Variants in NBPF19 observed in about 807,000 individuals in gnomAD.
The protein encoded by NBPF19 is NBPF member 19, also known as NBPF family member NBPF19.
In NBPF19, 30 loss-of-function variants were observed where a neutral mutation model predicts 45.9. That is an observed-to-expected ratio of 0.65 (90% CI 0.49 to 0.89). NBPF19 has a LOEUF of 0.89. NBPF19 is among the 40% of genes least tolerant of loss of function. The probability of loss-of-function intolerance (pLI) is 0.00; values close to 1 mark genes in which losing one functional copy is unlikely to be tolerated. For missense variants in NBPF19, 495 were observed against 471.8 expected (o/e 1.05, Z -0.46); for synonymous variants, 183 against 181.2 (o/e 1.01, Z -0.08).
chr1:149,528,975 G>A (rs1267826276), intron 61 of NBPF19, among the ~76,000 whole-genome samples, 199 bp from the exon 62 acceptor site: 1 of 131,290 alleles, frequency 7.6e-6, no homozygotes, highest in Non-Finnish European at 1.6e-5. Context: ...GTGTGTGTGT[G>A]TCTATCTGTC....
intron 51 of NBPF19, among the ~76,000 whole-genome samples, 163 bp from the exon 52 acceptor site, chr1:149,521,156 G>T (rs1254819396): frequency 1.4e-5 from 1 of 73,818 alleles, no homozygotes; most frequent in South Asian, 3.8e-4. Flanking sequence ...TTTCTACCTG[G>T]CCCTGTTCTA....
intron 73 of NBPF19, among the ~76,000 whole-genome samples, 195 bp from the exon 74 acceptor site, chr1:149,538,481 A>G (rs1487809392): frequency 1.8e-3 from 42 of 23,466 alleles, no homozygotes; most frequent in Admixed American, 4.8e-3. Context: ...GTGTGTGTCT[A>G]TCTGTCTTTC....
chr1:149,487,181 C>T (rs1402530624), intron 8 of NBPF19, 151 bp from the exon 9 acceptor site: 4 of 754,968 alleles, frequency 5.3e-6, no homozygotes, highest in Non-Finnish European at 9.5e-6. Context: ...TTTCTCAAGA[C>T]TTGACCTCAG....
chr1:149,554,979 G>C lies in NBPF19; in HGVS notation c.*241G>C. On this transcript the variant is annotated 3_prime_UTR_variant, in exon 94 of 94. Coordinates refer to ENST00000651566, the MANE Select transcript of NBPF19 (RefSeq NM_001351365.2). Reference sequence around the variant, plus strand: ...CAGCACATGCCGGGAGTGATCAGTCGGACATTTTAATTTGAACCACGTATC... The same window carrying C: ...CAGCACATGCCGGGAGTGATCAGTCCGACATTTTAATTTGAACCACGTATC... 1 of 702,728 alleles carries C rather than the reference G, an allele frequency of 1.4e-6. No homozygotes were observed. The highest frequency in any genetic ancestry group is 2.3e-6 in the Non-Finnish European group (1 of 440,696). The allele number at this position is 702,728 out of a possible 1,614,324, so 43.5% of individuals were successfully genotyped here.
intron 7 of NBPF19, among the ~76,000 whole-genome samples, chr1:149,484,831 GATA>G (rs2085423807): frequency 7.3e-6 from 1 of 136,522 alleles, no homozygotes; most frequent in African/African-American, 2.8e-5. Flanking sequence ...AGTCCTCCTG[GATA>G]ATATCCTGAA....
At chr1:149,478,255 T>C (rs1350011342) in intron 3 of NBPF19, among the ~76,000 whole-genome samples, 1 of 151,198 alleles carries the variant, frequency 6.6e-6, no homozygotes, top group Non-Finnish European at 1.5e-5. Context: ...TTGTTTTCTC[T>C]TTTTCAAACA....
rs2087200337 is a variant in NBPF19, at chr1:149,554,645, C to T, written c.11439C>T (p.Ile3813=). ...SVFYSFEEEH[I]SFALYLDNRF... ...TTTACTCATTTGAGGAAGAGCATAT[C>T]AGCTTCGCCCTTTACTTGGACAATA... Residue 3813 remains isoleucine (I), a synonymous_variant, in exon 94 of 94, where the codon ATC becomes ATT. Coordinates refer to ENST00000651566, the MANE Select transcript of NBPF19 (RefSeq NM_001351365.2). 5.6e-6 allele frequency: 9 copies of T among 1,608,354 alleles called. No homozygotes were observed. The highest frequency in any genetic ancestry group is 5.9e-6 in the Non-Finnish European group (7 of 1,176,770).
intron 3 of NBPF19, 32 bp from the exon 4 acceptor site, chr1:149,478,848 A>C: frequency 6.4e-7 from 1 of 1,554,622 alleles, no homozygotes; most frequent in African/African-American, 1.4e-5. Flanking sequence ...AACCCTTTCT[A>C]CTCTTAAATT....
Position 149,554,791 on chromosome 1 carries a change from A to G in NBPF19, c.*53A>G. On this transcript the variant is annotated 3_prime_UTR_variant, in exon 94 of 94. Coordinates refer to ENST00000651566, the MANE Select transcript of NBPF19 (RefSeq NM_001351365.2). Reference sequence around the variant, plus strand: ...ATTCCTGCAGGCAGGACCTATAGGCACGTGAAGATTTGAATGAAACTACAG... The same window carrying G: ...ATTCCTGCAGGCAGGACCTATAGGCGCGTGAAGATTTGAATGAAACTACAG... 2 of 1,605,932 alleles carry G rather than the reference A, an allele frequency of 1.2e-6. No individual in the cohort carries two copies. The highest frequency in any genetic ancestry group is 8.5e-7 in the Non-Finnish European group (1 of 1,174,916).
At chr1:149,484,569 AT>A in intron 7 of NBPF19, among the ~76,000 whole-genome samples, 1 of 145,218 alleles carries the variant, frequency 6.9e-6, no homozygotes, top group Non-Finnish European at 1.5e-5. Context: ...AAAAAAAAGA[AT>A]GTTGAATATT....
In NBPF19 at chr1:149,486,373, T is replaced by A. The variant is rs2085496929; in HGVS notation, c.988+80T>A. 9 of 653,188 alleles carry A rather than the reference T, an allele frequency of 1.4e-5. 1 individual carries two copies. 40.5% of individuals were successfully genotyped at this position (653,188 alleles called of 1,614,324 possible). A position where few individuals can be genotyped will look rare whatever the true frequency, so the allele number is the denominator to read the frequency against. ...CCATAATCTTTGGGCCTTGTGCCCC[T>A]TGTTGGGCTGAGATTTGCCATCACC... On this transcript the variant is annotated intron_variant, in intron 8 of 93. Transcript: ENST00000651566.
At chr1:149,521,056 C>T (rs2086704446) in intron 51 of NBPF19, among the ~76,000 whole-genome samples, 1 of 70,680 alleles carries the variant, frequency 1.4e-5, no homozygotes, top group Non-Finnish European at 3.1e-5. Context: ...GGCCAATTCA[C>T]TAGGTCACTT....
intron 8 of NBPF19, among the ~76,000 whole-genome samples, chr1:149,486,504 G>A (rs1175960137): frequency 3.3e-5 from 5 of 151,320 alleles, no homozygotes; most frequent in African/African-American, 1.2e-4. Context: ...CTAGTCTCAG[G>A]CCATGCCTGT....
At chr1:149,487,266 C>A in intron 8 of NBPF19, 66 bp from the exon 9 acceptor site, 4 of 1,186,690 alleles carry the variant, frequency 3.4e-6, no homozygotes, top group South Asian at 2.4e-5. Context: ...TAGGATTGGA[C>A]AGAGGAATGT....
In NBPF19 at chr1:149,486,279, C is replaced by A. The variant is rs1254769367; in HGVS notation, c.974C>A (p.Ala325Asp). ...TTAGAGGAACAGCAAGTCTGCATGG[C>A]TGTTGACATAGGCAGTGAGTACTCC... ...HSLEEQQVCM[A>D]VDIGRHRWDQ... Residue 325 changes from alanine (A) to aspartate (D), a missense_variant, in exon 8 of 94, where the codon GCT becomes GAT. By Grantham distance (126) the Ala-to-Asp change is moderately radical. Transcript: ENST00000651566. 1 of 581,406 alleles carries A rather than the reference C, an allele frequency of 1.7e-6. No individual in the cohort carries two copies. The highest frequency in any genetic ancestry group is 3.0e-6 in the Non-Finnish European group (1 of 330,994). The allele number at this position is 581,406 out of a possible 1,614,324, so 36.0% of individuals were successfully genotyped here.
At chr1:149,487,291 A>C (rs2085591461) in intron 8 of NBPF19, 41 bp from the exon 9 acceptor site, 1 of 1,455,726 alleles carries the variant, frequency 6.9e-7, no homozygotes, top group African/African-American at 1.4e-5. Flanking sequence ...GTGTGCAAGG[A>C]AGAACTTAAT....
At chr1:149,520,820 A>T (rs2101690581) in intron 51 of NBPF19, 137 bp downstream of exon 51, 1 of 46,690 alleles carries the variant, frequency 2.1e-5, no homozygotes, top group East Asian at 2.8e-4. Flanking sequence ...GTTGGTTTTC[A>T]TTGCAGTAGA....
chr1:149,528,980 T>C (rs1227616175), intron 61 of NBPF19, among the ~76,000 whole-genome samples, 194 bp from the exon 62 acceptor site: 5 of 131,472 alleles, frequency 3.8e-5, no homozygotes, highest in Non-Finnish European at 3.2e-5. Context: ...TGTGTGTCTA[T>C]CTGTCTTTCT....
intron 13 of NBPF19, among the ~76,000 whole-genome samples, 187 bp from the exon 14 acceptor site, chr1:149,490,952 G>A (rs1360385814): frequency 2.2e-5 from 3 of 133,856 alleles, no homozygotes; most frequent in Non-Finnish European, 4.7e-5. Flanking sequence ...GTGTCCATCT[G>A]TCTCTTTCAT....
Sources: allele counts gnomAD v4.1 joint callset (sites outside exome capture counted in the v4.1 genomes callset), GRCh38; gene constraint gnomAD v4.1.1; transcripts MANE v1.5; gene names NCBI Gene and HGNC (gene_info 2026-07-23, HGNC 2026-07-21).